Variants in MAP4 observed in about 807,000 individuals in gnomAD.
The protein encoded by MAP4 is microtubule associated protein 4.
Under a neutral mutation model 170.2 loss-of-function variants are expected in MAP4, and 76 were observed. The observed-to-expected ratio is 0.45, with a 90% CI of 0.37 to 0.54. MAP4 has a LOEUF of 0.54. Among genes scored for constraint, MAP4 ranks in the 20% least tolerant of loss-of-function variants. The pLI, the probability that MAP4 is intolerant of heterozygous loss-of-function variation, is 0.00. For missense variants in MAP4, 2,506 were observed against 2,748.0 expected (o/e 0.91, Z 1.97); for synonymous variants, 909 against 994.5 (o/e 0.91, Z 1.62).
chr3:47,956,174 TA>T (rs541233091), intron 3 of MAP4, among the ~76,000 whole-genome samples: 22 of 147,492 alleles, frequency 1.5e-4, no homozygotes, highest in Admixed American at 2.0e-4. Flanking sequence ...GAAAAACACG[TA>T]AAAAAAAAAA....
intron 3 of MAP4, among the ~76,000 whole-genome samples, chr3:47,970,945 A>G (rs2100078323): frequency 6.6e-6 from 1 of 152,254 alleles, no homozygotes; most frequent in African/African-American, 2.4e-5. Context: ...AGTATTAATT[A>G]AATGCTTGGC....
chr3:48,057,612 AAT>A lies in MAP4; in HGVS notation c.-20+31159_-20+31160del, dbSNP rs1431483104. Among the ~76,000 whole-genome samples the A allele has an allele frequency of 2.1e-5, 3 of 141,300 alleles. No individual in the cohort carries two copies. The East Asian group carries it at 5.9e-4, about 28-fold the overall frequency. 92.7% of individuals were successfully genotyped at this position (141,300 alleles called of 152,430 possible). Reference sequence around the variant, plus strand: ...AACACCCAAGAATTATCAATAAAAAAATAAATAAATAAATAAATAAAAAAGAA... The same window carrying A: ...AACACCCAAGAATTATCAATAAAAAAAAATAAATAAATAAATAAAAAAGAA... On this transcript the variant is annotated intron_variant, in intron 1 of 18. Transcript: ENST00000360240.
At chr3:48,055,245 T>TCC (rs2100130363) in intron 1 of MAP4, among the ~76,000 whole-genome samples, 1 of 150,804 alleles carries the variant, frequency 6.6e-6, no homozygotes. Flanking sequence ...CGTCTCCCCA[T>TCC]GGTCTCCCTC....
chr3:48,043,437 T>C (rs1021184509), intron 1 of MAP4, among the ~76,000 whole-genome samples: 4 of 152,034 alleles, frequency 2.6e-5, no homozygotes, highest in African/African-American at 9.7e-5. Flanking sequence ...TGGTATGGTA[T>C]ATAAAATATA....
At chr3:47,903,532 C>CA (rs983850258) in intron 9 of MAP4, among the ~76,000 whole-genome samples, 3,061 of 55,004 alleles carry the variant, frequency 0.056, 65 homozygotes, top group African/African-American at 0.11. Context: ...GACTCCGTCT[C>CA]AAAAAAAAAA....
At chr3:47,977,432 T>C (rs2154270475) in intron 3 of MAP4, among the ~76,000 whole-genome samples, 1 of 152,232 alleles carries the variant, frequency 6.6e-6, no homozygotes, top group South Asian at 2.1e-4. Context: ...GGAAACACAC[T>C]GGGGGCAAAA....
intron 1 of MAP4, among the ~76,000 whole-genome samples, chr3:48,080,745 C>G (rs953955294): frequency 3.3e-5 from 5 of 152,192 alleles, no homozygotes; most frequent in South Asian, 4.1e-4. Context: ...CTTTGGGAGG[C>G]TGAGGCAGGC....
At chr3:48,087,340 G>A (rs889476480) in intron 1 of MAP4, among the ~76,000 whole-genome samples, 3 of 152,152 alleles carry the variant, frequency 2.0e-5, no homozygotes, top group Non-Finnish European at 4.4e-5. Flanking sequence ...GCTTGTAATA[G>A]AGCATGACAA....
Position 47,852,146 on chromosome 3 carries a change from A to G in MAP4, c.*788T>C, listed in dbSNP as rs1576550015. ...GCCCACATCCTCCAGCGGGGGTGGCATAAGGATATCTCCGCCCTGTTCCCT... is the reference window on the plus strand; with the variant it reads ...GCCCACATCCTCCAGCGGGGGTGGCGTAAGGATATCTCCGCCCTGTTCCCT... On this transcript the variant is annotated 3_prime_UTR_variant, in exon 21 of 21. Coordinates refer to ENST00000683076, the MANE Select transcript of MAP4 (RefSeq NM_001385682.1). 1 of 152,448 alleles carries G rather than the reference A, an allele frequency of 6.6e-6. No homozygotes were observed. Among genetic ancestry groups the G allele is most frequent in the East Asian group, 1.9e-4 (1 of 5,206 alleles). 9.4% of individuals were successfully genotyped at this position (152,448 alleles called of 1,614,324 possible).
At chr3:48,079,721 C>T (rs573579261) in intron 1 of MAP4, among the ~76,000 whole-genome samples, 8 of 151,926 alleles carry the variant, frequency 5.3e-5, no homozygotes, top group South Asian at 4.2e-4. Context: ...GAGGCCAAGG[C>T]GGGCGGATCA....
chr3:47,998,572 A>C, intron 2 of MAP4, 66 bp downstream of exon 2: 1 of 1,266,788 alleles, frequency 7.9e-7, no homozygotes, highest in Non-Finnish European at 1.1e-6. Flanking sequence ...TTCCAAGATT[A>C]TACCAAAGGC....
rs577655606 is a variant in MAP4 at position 47,852,382 on chromosome 3, G to A, written c.*552C>T. 4.3e-5 allele frequency: 8 copies of A among 186,702 alleles called. No homozygotes were observed. Among genetic ancestry groups the A allele is most frequent in the Non-Finnish European group, 8.8e-5 (8 of 90,918 alleles). 11.6% of individuals were successfully genotyped at this position (186,702 alleles called of 1,614,324 possible). ...GCCCGACACCACCTGCATGGGGAGG[G>A]GGGGGCGCCCATTTGTGGGACCAGA... On this transcript the variant is annotated 3_prime_UTR_variant, in exon 21 of 21. Coordinates refer to ENST00000683076, the MANE Select transcript of MAP4 (RefSeq NM_001385682.1).
chr3:47,913,957 C>CCT (rs1032193790), intron 8 of MAP4, among the ~76,000 whole-genome samples: 10 of 151,760 alleles, frequency 6.6e-5, no homozygotes, highest in Non-Finnish European at 1.3e-4. Flanking sequence ...TAGAGCAGTA[C>CCT]CTCTCAAAGT....
intron 3 of MAP4, among the ~76,000 whole-genome samples, chr3:47,969,406 C>T (rs1213153238): frequency 1.5e-4 from 15 of 101,874 alleles, no homozygotes; most frequent in Admixed American, 1.0e-3. Context: ...AACTCTGTCT[C>T]GCGGGGCGCG....
chr3:47,957,294 A>G (rs2100068419), intron 3 of MAP4, among the ~76,000 whole-genome samples: 1 of 152,158 alleles, frequency 6.6e-6, no homozygotes, highest in Non-Finnish European at 1.5e-5. Context: ...CAGCCTCCCA[A>G]GTAGCTGGGA....
At chr3:48,062,933 A>C (rs2100136602) in intron 1 of MAP4, among the ~76,000 whole-genome samples, 2 of 151,752 alleles carry the variant, frequency 1.3e-5, no homozygotes, top group African/African-American at 4.8e-5. Context: ...CTCAAAAAAA[A>C]AAAAAAGAAA....
At chr3:47,967,313 C>T (rs566588618) in intron 3 of MAP4, among the ~76,000 whole-genome samples, 8 of 151,790 alleles carry the variant, frequency 5.3e-5, no homozygotes, top group Admixed American at 1.3e-4. Flanking sequence ...CCAGCCTGGG[C>T]GACAGAGCGA....
chr3:47,990,579 A>C (rs1238031150), intron 2 of MAP4, among the ~76,000 whole-genome samples: 1 of 152,230 alleles, frequency 6.6e-6, no homozygotes, highest in Non-Finnish European at 1.5e-5. Flanking sequence ...AAGAAGAACT[A>C]TTTAATCACA....
intron 2 of MAP4, among the ~76,000 whole-genome samples, chr3:47,986,436 G>A (rs940207648): frequency 6.6e-6 from 1 of 152,122 alleles, no homozygotes; most frequent in Admixed American, 6.5e-5. Flanking sequence ...CACCTCCTGG[G>A]TTCAAGCAAT....
Sources: gnomAD v4.1 joint callset for allele counts (sites outside exome capture counted in the v4.1 genomes callset) on GRCh38, gnomAD v4.1.1 for gene constraint, MANE v1.5 for transcripts, NCBI Gene and HGNC (gene_info 2026-07-23, HGNC 2026-07-21) for gene names.